NRXN3: variants seen among roughly 807,000 people sequenced by gnomAD.
The protein encoded by NRXN3 is neurexin 3.
In NRXN3, 32 loss-of-function variants were observed where a neutral mutation model predicts 137.6. The ratio of observed to expected loss-of-function variants is 0.23; its 90% CI spans 0.18 to 0.31. The LOEUF (loss-of-function observed/expected upper bound fraction) is 0.31. Among genes scored for constraint, NRXN3 ranks in the 10% least tolerant of loss-of-function variants. The pLI is 1.00. For synonymous variants in NRXN3, 798 were observed against 784.5 expected (o/e 1.02, Z -0.29); for missense variants, 1,574 against 2,062.5 (o/e 0.76, Z 4.59).
At chr14:78,675,752 T>C (rs2097997307) in intron 6 of NRXN3, among the ~76,000 whole-genome samples, 1 of 152,216 alleles carries the variant, frequency 6.6e-6, no homozygotes, top group Non-Finnish European at 1.5e-5. Flanking sequence ...TATTCAGGCA[T>C]ACCTCATTTT....
chr14:78,303,814 G>A (rs1359658639), intron 4 of NRXN3, among the ~76,000 whole-genome samples: 1 of 152,044 alleles, frequency 6.6e-6, no homozygotes, highest in Non-Finnish European at 1.5e-5. Flanking sequence ...TGTGTTATAA[G>A]GTACCTATGC....
At chr14:79,232,599 T>C (rs2072452692) in intron 15 of NRXN3, among the ~76,000 whole-genome samples, 1 of 152,174 alleles carries the variant, frequency 6.6e-6, no homozygotes, top group South Asian at 2.1e-4. Flanking sequence ...TTTAGCGACA[T>C]TGGCTTTCTA....
At chr14:79,825,106 A>T (rs930230462) in intron 20 of NRXN3, among the ~76,000 whole-genome samples, 1 of 151,472 alleles carries the variant, frequency 6.6e-6, no homozygotes, top group African/African-American at 2.4e-5. Flanking sequence ...CCTTCTAATG[A>T]CTTCATTTGT....
chr14:78,799,708 G>T, intron 8 of NRXN3, among the ~76,000 whole-genome samples: 1 of 152,204 alleles, frequency 6.6e-6, no homozygotes, highest in East Asian at 1.9e-4. Flanking sequence ...GTTCCATGTG[G>T]CTGGGGACAC....
intron 10 of NRXN3, among the ~76,000 whole-genome samples, chr14:78,816,489 G>T (rs1336814128): frequency 6.6e-6 from 1 of 151,922 alleles, no homozygotes; most frequent in Non-Finnish European, 1.5e-5. Context: ...GAATATATAG[G>T]TTTATTTTAT....
chr14:79,212,798 T>G (rs1358161331), intron 15 of NRXN3, among the ~76,000 whole-genome samples: 1 of 151,802 alleles, frequency 6.6e-6, no homozygotes, highest in Non-Finnish European at 1.5e-5. Context: ...AAATCCTCAC[T>G]CATATTTTGA....
chr14:78,201,258 C>G (rs373933200), intron 1 of NRXN3, among the ~76,000 whole-genome samples: 7 of 152,184 alleles, frequency 4.6e-5, no homozygotes, highest in Non-Finnish European at 7.3e-5. Flanking sequence ...AGATCGTAGC[C>G]AAAACAGGCT....
At chr14:78,445,148 T>C (rs1266587637) in intron 4 of NRXN3, among the ~76,000 whole-genome samples, 1 of 151,886 alleles carries the variant, frequency 6.6e-6, no homozygotes, top group African/African-American at 2.4e-5. Flanking sequence ...GAGGGACTTG[T>C]GGGGAAATGT....
At chr14:79,120,520 A>T (rs1471263000) in intron 15 of NRXN3, among the ~76,000 whole-genome samples, 1 of 152,072 alleles carries the variant, frequency 6.6e-6, no homozygotes, top group Non-Finnish European at 1.5e-5. Flanking sequence ...ATCAGTGAAT[A>T]TTCAGAATAG....
intron 3 of NRXN3, among the ~76,000 whole-genome samples, chr14:78,290,601 T>A (rs1429811201): frequency 6.6e-6 from 1 of 152,164 alleles, no homozygotes; most frequent in Non-Finnish European, 1.5e-5. Context: ...ATTGTGCCAC[T>A]GCACTCTAGC....
intron 16 of NRXN3, among the ~76,000 whole-genome samples, chr14:79,496,092 C>G (rs2096763770): frequency 6.6e-6 from 1 of 152,112 alleles, no homozygotes; most frequent in African/African-American, 2.4e-5. Context: ...TGTTCGTAAT[C>G]CAGTGTTCTG....
rs559191135 is a variant in NRXN3 at position 79,864,532 on chromosome 14, A to C, written c.*2568A>C. The C allele has an allele frequency of 2.0e-5, 3 of 152,684 alleles. No individual in the cohort carries two copies. The highest frequency in any genetic ancestry group is 4.1e-4 in the South Asian group (2 of 4,832). 9.5% of individuals were successfully genotyped at this position (152,684 alleles called of 1,614,324 possible). On this transcript the variant is annotated 3_prime_UTR_variant, in exon 21 of 21. Transcript: ENST00000335750. ...GTAAGAGCTAGACCACTTTCATGTG[A>C]TAGAAGATATTCTAAGCAGTTACTA...
At chr14:79,234,756 G>A (rs2035287) in intron 15 of NRXN3, among the ~76,000 whole-genome samples, 144,125 of 152,032 alleles carry the variant, frequency 0.95, 68,639 homozygotes, top group East Asian at 1. Context: ...CTTGTATTAA[G>A]TACATCTTTT....
intron 15 of NRXN3, among the ~76,000 whole-genome samples, chr14:79,363,792 C>G (rs1478281335): frequency 6.6e-6 from 1 of 152,140 alleles, no homozygotes; most frequent in Non-Finnish European, 1.5e-5. Context: ...AGGGAGCTTG[C>G]AACAATAGAA....
chr14:78,651,805 A>G (rs753295401), intron 6 of NRXN3, among the ~76,000 whole-genome samples: 2 of 150,220 alleles, frequency 1.3e-5, no homozygotes, highest in Non-Finnish European at 1.5e-5. Flanking sequence ...TGATTTAATT[A>G]CCTCCCACTG....
chr14:78,265,776 C>T (rs996368758), intron 2 of NRXN3, among the ~76,000 whole-genome samples: 7 of 152,184 alleles, frequency 4.6e-5, no homozygotes, highest in African/African-American at 1.7e-4. Context: ...GTGTTAATTC[C>T]TCTCTCTTGG....
chr14:78,715,002 A>G lies in NRXN3; in HGVS notation c.1907A>G (p.Lys636Arg), dbSNP rs1217609404. ...GAGATGCAGAATGCTGCGGGTGTCA[A>G]GTCCTCCTGTTCACGGATGAGTGCC... ...LAEMQNAAGVKSSCSRMSAKQ... is the reference protein window; with the variant it reads ...LAEMQNAAGVRSSCSRMSAKQ... Residue 636 changes from lysine (K) to arginine (R), a missense_variant, in exon 8 of 21, where the codon AAG (lysine) becomes AGG (arginine). This residue lies in a region of NRXN3 where 718 missense variants were observed against 887.6 expected (regional missense o/e 0.81). Coordinates refer to ENST00000335750, the MANE Select transcript of NRXN3 (RefSeq NM_001330195.2). The G allele has an allele frequency of 1.2e-6, 2 of 1,614,178 alleles. No homozygotes were observed. Among genetic ancestry groups the G allele is most frequent in the Admixed American group, 3.3e-5 (2 of 60,032 alleles).
intron 15 of NRXN3, among the ~76,000 whole-genome samples, chr14:79,365,725 CAA>C (rs569855024): frequency 2.4e-5 from 1 of 42,404 alleles, no homozygotes; most frequent in Non-Finnish European, 4.2e-5. Flanking sequence ...GACTCTGTCT[CAA>C]AAAAAAAAAA....
intron 20 of NRXN3, among the ~76,000 whole-genome samples, chr14:79,860,798 T>C (rs2099412526): frequency 1.3e-5 from 2 of 152,328 alleles, no homozygotes; most frequent in South Asian, 4.1e-4. Context: ...AGTTGAATTT[T>C]ATCTAAATAA....
Sources: gnomAD v4.1 joint callset for allele counts (sites outside exome capture counted in the v4.1 genomes callset) on GRCh38, gnomAD v4.1.1 for gene constraint, gnomAD v4.1.1 regional missense constraint, MANE v1.5 for transcripts, NCBI Gene and HGNC (gene_info 2026-07-23, HGNC 2026-07-21) for gene names.